NR3C2: variants seen among roughly 807,000 people sequenced by gnomAD.
NR3C2 encodes mineralocorticoid receptor.
A neutral mutation model predicts 86.4 loss-of-function variants in NR3C2; 15 were observed. The ratio of observed to expected loss-of-function variants is 0.17; its 90% CI spans 0.12 to 0.27. The LOEUF (loss-of-function observed/expected upper bound fraction) is 0.27, where lower values mean the gene tolerates loss of function less well. Among genes scored for constraint, NR3C2 ranks in the 10% least tolerant of loss-of-function variants. NR3C2 has a pLI of 1.00. For missense variants in NR3C2, 960 were observed against 1,195.6 expected (o/e 0.80, Z 2.91); for synonymous variants, 458 against 450.5 (o/e 1.02, Z -0.21).
intron 2 of NR3C2, among the ~76,000 whole-genome samples, chr4:148,379,846 T>G (rs1041933028): frequency 6.8e-6 from 1 of 147,030 alleles, no homozygotes; most frequent in Admixed American, 6.6e-5. Context: ...GCTCACTTAT[T>G]AAGTCCATAT....
At chr4:148,426,702 C>T (rs10026568) in intron 2 of NR3C2, among the ~76,000 whole-genome samples, 57,455 of 152,022 alleles carry the variant, frequency 0.38, 11,474 homozygotes, top group Non-Finnish European at 0.45. Flanking sequence ...TGAGTCACTA[C>T]ATACATTCCC....
chr4:148,387,076 T>C (rs1747300186), intron 2 of NR3C2, among the ~76,000 whole-genome samples: 1 of 152,230 alleles, frequency 6.6e-6, no homozygotes, highest in Admixed American at 6.5e-5. Flanking sequence ...AGAAACCTAC[T>C]TCTGGTCAAT....
At chr4:148,377,714 T>C (rs930185125) in intron 2 of NR3C2, among the ~76,000 whole-genome samples, 6 of 152,218 alleles carry the variant, frequency 3.9e-5, no homozygotes, top group Non-Finnish European at 8.8e-5. Context: ...GGAGCTTGAA[T>C]ACTAAGTAGA....
intron 2 of NR3C2, among the ~76,000 whole-genome samples, chr4:148,368,654 A>G (rs1004488094): frequency 2.6e-5 from 4 of 152,126 alleles, no homozygotes; most frequent in African/African-American, 9.7e-5. Context: ...CTGAATTTCA[A>G]ATGTGGGGAG....
chr4:148,199,593 C>T (rs906247270), intron 3 of NR3C2, among the ~76,000 whole-genome samples: 1 of 152,074 alleles, frequency 6.6e-6, no homozygotes, highest in Non-Finnish European at 1.5e-5. Flanking sequence ...GAAAACTGTA[C>T]CCCTGCAGAC....
At chr4:148,122,813 C>T (rs1444494852) in intron 6 of NR3C2, among the ~76,000 whole-genome samples, 1 of 152,130 alleles carries the variant, frequency 6.6e-6, no homozygotes, top group Non-Finnish European at 1.5e-5. Context: ...GGATGTATGT[C>T]ACCTCAGGAC....
intron 2 of NR3C2, among the ~76,000 whole-genome samples, chr4:148,388,551 A>G (rs550185188): frequency 5.9e-5 from 9 of 152,348 alleles, no homozygotes; most frequent in African/African-American, 2.2e-4. Context: ...ACATCACAAC[A>G]CATCATCACA....
At chr4:148,354,310 T>C (rs932077462) in intron 2 of NR3C2, among the ~76,000 whole-genome samples, 26 of 152,126 alleles carry the variant, frequency 1.7e-4, no homozygotes, top group Non-Finnish European at 3.8e-4. Flanking sequence ...TATATAAACA[T>C]ATAAAATATG....
At chr4:148,174,484 G>T (rs1217049144) in intron 4 of NR3C2, among the ~76,000 whole-genome samples, 2 of 152,188 alleles carry the variant, frequency 1.3e-5, no homozygotes, top group African/African-American at 2.4e-5. Flanking sequence ...CTACTTGGGG[G>T]CCTGAAGACA....
At position 148,081,160 on chromosome 4, in the gene NR3C2, T is replaced by G; in HGVS notation, c.*184A>C. 1 of 750,120 alleles carries G rather than the reference T, an allele frequency of 1.3e-6. No individual in the cohort carries two copies. Among genetic ancestry groups the G allele is most frequent in the Non-Finnish European group, 2.3e-6 (1 of 440,006 alleles). 46.5% of individuals were successfully genotyped at this position (750,120 alleles called of 1,614,324 possible). A position where few individuals can be genotyped will look rare whatever the true frequency, so the allele number is the denominator to read the frequency against. On this transcript the variant is annotated 3_prime_UTR_variant, in exon 9 of 9. Transcript: ENST00000358102. ...TGGGGAATCCTTCAGACTGCTCTGG[T>G]CTCGCCAAATCCACGGAAAAACAGC...
At chr4:148,149,124 C>G (rs957944890) in intron 6 of NR3C2, among the ~76,000 whole-genome samples, 1 of 152,178 alleles carries the variant, frequency 6.6e-6, no homozygotes, top group Admixed American at 6.6e-5. Context: ...AAAAACACAG[C>G]TTTGCTCTAT....
intron 2 of NR3C2, among the ~76,000 whole-genome samples, chr4:148,271,374 T>C (rs551603072): frequency 1.3e-5 from 2 of 152,276 alleles, no homozygotes; most frequent in South Asian, 4.1e-4. Context: ...CTTTGGGTCT[T>C]TGTTTTTCTC....
chr4:148,138,360 T>C (rs1415229897), intron 6 of NR3C2, among the ~76,000 whole-genome samples: 1 of 152,226 alleles, frequency 6.6e-6, no homozygotes, highest in African/African-American at 2.4e-5. Context: ...ATTTGTGTTG[T>C]TCATATATTG....
intron 2 of NR3C2, among the ~76,000 whole-genome samples, chr4:148,364,362 A>G (rs920169554): frequency 1.1e-4 from 17 of 152,176 alleles, no homozygotes; most frequent in Non-Finnish European, 1.5e-5. Context: ...ACAGAATTGG[A>G]GATTACAGGA....
chr4:148,416,227 C>CT (rs1340315543), intron 2 of NR3C2, among the ~76,000 whole-genome samples: 1 of 152,090 alleles, frequency 6.6e-6, no homozygotes, highest in African/African-American at 2.4e-5. Flanking sequence ...ATACATAAAT[C>CT]TTTTTCCATA....
intron 7 of NR3C2, among the ~76,000 whole-genome samples, chr4:148,118,706 G>A (rs1008186320): frequency 1.3e-5 from 2 of 152,068 alleles, no homozygotes; most frequent in Non-Finnish European, 2.9e-5. Context: ...CACACAATCT[G>A]CTCCAAGTCC....
chr4:148,436,549 G>A lies in NR3C2; in HGVS notation c.312C>T (p.Ser104=). The stretch of plus-strand genomic sequence containing the variant: ...TTACAGAATCCATATATAAACCCAT[G>A]GACTCAGCTACAGTTGCTGAAAGTT... The part of the protein sequence containing the change: ...SKELSATVAE[S]MGLYMDSVRD... The change falls in exon 2 of 9, where the codon TCC becomes TCT. Residue 104 remains serine, a synonymous_variant. Coordinates refer to ENST00000358102, the MANE Select transcript of NR3C2 (RefSeq NM_000901.5). The A allele has an allele frequency of 1.2e-6, 2 of 1,614,142 alleles. No homozygotes were observed. The highest frequency in any genetic ancestry group is 8.5e-7 in the Non-Finnish European group (1 of 1,180,028).
chr4:148,227,517 T>C (rs1053932976), intron 3 of NR3C2, among the ~76,000 whole-genome samples: 1 of 152,202 alleles, frequency 6.6e-6, no homozygotes, highest in Non-Finnish European at 1.5e-5. Context: ...AATATTCTGC[T>C]TCTTATATTT....
At chr4:148,338,980 T>A (rs547210550) in intron 2 of NR3C2, among the ~76,000 whole-genome samples, 10 of 152,288 alleles carry the variant, frequency 6.6e-5, no homozygotes, top group African/African-American at 2.4e-4. Flanking sequence ...AATTTAATTT[T>A]AAAAAAGTCC....
Sources: gnomAD v4.1 joint callset for allele counts (sites outside exome capture counted in the v4.1 genomes callset) on GRCh38, gnomAD v4.1.1 for gene constraint, MANE v1.5 for transcripts, NCBI Gene and HGNC (gene_info 2026-07-23, HGNC 2026-07-21) for gene names.